The following RBBP4 variants were observed in gnomAD, a reference collection of about 807,000 sequenced individuals.
RBBP4 encodes RB binding protein 4, chromatin remodeling factor.
In RBBP4, 3 loss-of-function variants were observed where a neutral mutation model predicts 57.2. The ratio of observed to expected loss-of-function variants is 0.05; its 90% CI spans 0.02 to 0.14. The LOEUF is 0.14. Among genes scored for constraint, RBBP4 ranks in the 10% least tolerant of loss-of-function variants. RBBP4 has a pLI of 1.00. For synonymous variants in RBBP4, 151 were observed against 171.5 expected (o/e 0.88, Z 0.93); for missense variants, 107 against 520.6 (o/e 0.21, Z 7.73).
At chr1:32,666,867 T>G (rs1251363601) in intron 3 of RBBP4, among the ~76,000 whole-genome samples, 1 of 152,250 alleles carries the variant, frequency 6.6e-6, no homozygotes, top group Non-Finnish European at 1.5e-5. Flanking sequence ...AATATTACTC[T>G]TTGTTGTATT....
intron 3 of RBBP4, among the ~76,000 whole-genome samples, chr1:32,659,041 ATATT>A (rs1362475789): frequency 2.0e-5 from 3 of 147,326 alleles, no homozygotes; most frequent in East Asian, 1.9e-4. Flanking sequence ...TAAATGTATT[ATATT>A]TATATATAAA....
chr1:32,679,470 A>G (rs1649283515), intron 11 of RBBP4, among the ~76,000 whole-genome samples, 170 bp from the exon 12 acceptor site: 1 of 152,222 alleles, frequency 6.6e-6, no homozygotes, highest in Admixed American at 6.5e-5. Flanking sequence ...TACCCATTAT[A>G]GGTTGTCTCC....
At position 32,680,423 on chromosome 1, in the gene RBBP4, T is replaced by C. The variant is rs1649362923; in HGVS notation, c.*718T>C. 1 of 1,405,258 alleles carries C rather than the reference T, an allele frequency of 7.1e-7. No individual in the cohort carries two copies. The highest frequency in any genetic ancestry group is 9.3e-7 in the Non-Finnish European group (1 of 1,074,636). 87.0% of individuals were successfully genotyped at this position (1,405,258 alleles called of 1,614,324 possible). ...AAAGATGTATGTTTTTACCTGACAG[T>C]TATACCACAGGTAGACTGTCAAGTT... On this transcript the variant is annotated 3_prime_UTR_variant, in exon 12 of 12. Coordinates refer to ENST00000373493, the MANE Select transcript of RBBP4 (RefSeq NM_005610.3).
chr1:32,655,292 A>G (rs1019122113), intron 2 of RBBP4, among the ~76,000 whole-genome samples: 10 of 151,994 alleles, frequency 6.6e-5, no homozygotes, highest in African/African-American at 2.4e-4. Context: ...TTTGTTTTTT[A>G]AGATGAGGAT....
rs866984500 is a variant in RBBP4 at position 32,652,066 on chromosome 1, C to G, written c.164+5C>G. 6.2e-7 allele frequency: 1 copy of G among 1,609,224 alleles called. No individual in the cohort carries two copies. The highest frequency in any genetic ancestry group is 8.5e-7 in the Non-Finnish European group (1 of 1,177,952). ...GTGGCTTCCAGATGTAACCAGGTGA[C>G]ATGACTCTCCCGAACGTTATTTTGA... On this transcript the variant is annotated splice_donor_5th_base_variant and intron_variant, in intron 2 of 11. Coordinates refer to ENST00000373493, the MANE Select transcript of RBBP4 (RefSeq NM_005610.3).
intron 2 of RBBP4, 63 bp downstream of exon 2, chr1:32,652,124 TTC>T (rs1281543872): frequency 6.5e-7 from 1 of 1,529,886 alleles, no homozygotes; most frequent in Non-Finnish European, 8.9e-7. Context: ...CATATTGATT[TTC>T]TTTTTTCCGC....
chr1:32,677,534 T>C (rs1649158332), intron 11 of RBBP4, among the ~76,000 whole-genome samples: 2 of 151,852 alleles, frequency 1.3e-5, no homozygotes, highest in African/African-American at 2.4e-5. Flanking sequence ...TCTTGGGTTC[T>C]GTGAGTCATT....
At chr1:32,673,968 G>A (rs1648988951) in intron 11 of RBBP4, among the ~76,000 whole-genome samples, 1 of 152,054 alleles carries the variant, frequency 6.6e-6, no homozygotes, top group African/African-American at 2.4e-5. Context: ...GGGCGTGGTG[G>A]CGGGCGCCTG....
Position 32,683,953 on chromosome 1 carries a change from G to A in RBBP4, c.*4248G>A. 2 of 1,550,512 alleles carry A rather than the reference G, an allele frequency of 1.3e-6. No homozygotes were observed. Among genetic ancestry groups the A allele is most frequent in the Admixed American group, 3.4e-5 (2 of 59,624 alleles). On this transcript the variant is annotated 3_prime_UTR_variant, in exon 12 of 12. Coordinates refer to ENST00000373493, the MANE Select transcript of RBBP4 (RefSeq NM_005610.3). ...CGGCCTGTTTTTAAGGCATTAATTA[G>A]TATTGTTAGGAAAGCAGTAACAATG...
At chr1:32,676,610 C>T (rs1485228261) in intron 11 of RBBP4, among the ~76,000 whole-genome samples, 1 of 37,234 alleles carries the variant, frequency 2.7e-5, no homozygotes, top group South Asian at 1.4e-3. Flanking sequence ...AAAACTCCAT[C>T]TCAAAAAAAA....
At chr1:32,653,650 T>TG (rs1648000276) in intron 2 of RBBP4, among the ~76,000 whole-genome samples, 2 of 29,894 alleles carry the variant, frequency 6.7e-5, no homozygotes, top group African/African-American at 1.2e-4. Context: ...TTTTTTTTTT[T>TG]TTTTTTTTTG....
chr1:32,668,681 T>C, intron 4 of RBBP4, 58 bp from the exon 5 acceptor site: 4 of 1,380,368 alleles, frequency 2.9e-6, no homozygotes, highest in Non-Finnish European at 4.1e-6. Context: ...TCCATTATGC[T>C]CAGTAGGCCC....
chr1:32,661,669 T>G (rs1431604249), intron 3 of RBBP4, among the ~76,000 whole-genome samples: 1 of 151,906 alleles, frequency 6.6e-6, no homozygotes, highest in Non-Finnish European at 1.5e-5. Context: ...CCACCAGCAG[T>G]GTCTAAGTGT....
intron 2 of RBBP4, among the ~76,000 whole-genome samples, chr1:32,656,983 A>AG (rs1353099490): frequency 3.3e-5 from 5 of 152,180 alleles, no homozygotes; most frequent in African/African-American, 1.2e-4. Context: ...TAAGTAGAAA[A>AG]TATGGCTCTT....
At chr1:32,672,331 T>TA (rs1374211215) in intron 8 of RBBP4, 119 bp from the exon 9 acceptor site, 1 of 799,802 alleles carries the variant, frequency 1.3e-6, no homozygotes, top group African/African-American at 1.7e-5. Flanking sequence ...ACGTGTATAA[T>TA]ACCTTGACTT....
At position 32,685,648 on chromosome 1, in the gene RBBP4, G is replaced by A. The variant is rs896741042; in HGVS notation, c.*5943G>A. On this transcript the variant is annotated 3_prime_UTR_variant, in exon 12 of 12. Transcript: ENST00000373493. The stretch of plus-strand genomic sequence containing the variant: ...AGGACCTTTTTTAGTGCCCAGCCAT[G>A]CCTAAGAGTGTGTCATCTGAAGAGG... The A allele has an allele frequency of 2.6e-5, 4 of 152,216 alleles. No individual in the cohort carries two copies. The highest frequency in any genetic ancestry group is 9.7e-5 in the African/African-American group (4 of 41,430). 9.4% of individuals were successfully genotyped at this position (152,216 alleles called of 1,614,324 possible).
intron 3 of RBBP4, 52 bp from the exon 4 acceptor site, chr1:32,668,173 A>G: frequency 6.6e-7 from 1 of 1,511,178 alleles, no homozygotes; most frequent in South Asian, 1.2e-5. Context: ...ACTCTGGGTA[A>G]CCTCTAGAGT....
rs34845906 is a variant in RBBP4 at position 32,659,064 on chromosome 1, TTATA to T, written c.310+1496_310+1499del. Among the ~76,000 whole-genome samples the T allele has an allele frequency of 3.7e-3, 545 of 147,528 alleles. 6 individuals are homozygous for T. Among genetic ancestry groups the T allele is most frequent in the African/African-American group, 0.013 (510 of 40,752 alleles). On this transcript the variant is annotated intron_variant, in intron 3 of 11. Transcript: ENST00000373493. ...TTATATTTATATATAAATATATAAA[TTATA>T]TATGTAAAACTACATGTGTATATAT...
chr1:32,669,586 T>G lies in RBBP4; in HGVS notation c.966+23T>G. On this transcript the variant is annotated intron_variant, in intron 8 of 11. Transcript: ENST00000373493. The surrounding 1 kb of genome is among the most constrained non-coding windows in gnomAD (Gnocchi z 4.9). The stretch of plus-strand genomic sequence containing the variant: ...CAGGTAAGAGAAACTAATGCTACTA[T>G]TTTGTTTGTTTTAAGAAAAACCTGC... 1.3e-6 allele frequency: 2 copies of G among 1,582,884 alleles called. No individual in the cohort carries two copies. The highest frequency in any genetic ancestry group is 4.0e-5 in the Admixed American group (2 of 50,474).
Sources: gnomAD v4.1 joint callset for allele counts (sites outside exome capture counted in the v4.1 genomes callset) on GRCh38, gnomAD v4.1.1 for gene constraint, Gnocchi (gnomAD v3.1) non-coding constraint, MANE v1.5 for transcripts, NCBI Gene and HGNC (gene_info 2026-07-23, HGNC 2026-07-21) for gene names.